Variants in KIAA1217 observed in about 807,000 individuals in gnomAD.
The protein encoded by KIAA1217 is sickle tail protein homolog.
Under a neutral mutation model 163.9 loss-of-function variants are expected in KIAA1217, and 88 were observed. The observed-to-expected ratio is 0.54, with a 90% CI of 0.45 to 0.64. KIAA1217 has a LOEUF of 0.64. Among genes scored for constraint, KIAA1217 ranks in the 30% least tolerant of loss-of-function variants. The pLI is 0.00. For synonymous variants in KIAA1217, 903 were observed against 923.1 expected (o/e 0.98, Z 0.39); for missense variants, 2,372 against 2,475.0 (o/e 0.96, Z 0.88).
At chr10:24,129,893 C>G (rs1185882080) in intron 2 of KIAA1217, among the ~76,000 whole-genome samples, 2 of 152,044 alleles carry the variant, frequency 1.3e-5, no homozygotes, top group Admixed American at 1.3e-4. Context: ...TCATGTGTCT[C>G]TCATGATCAA....
intron 1 of KIAA1217, among the ~76,000 whole-genome samples, chr10:23,816,453 C>T (rs371912718): frequency 7.2e-4 from 109 of 152,138 alleles, no homozygotes; most frequent in African/African-American, 2.4e-3. Context: ...CCACCATACC[C>T]GGCTAATTTT....
intron 1 of KIAA1217, among the ~76,000 whole-genome samples, chr10:23,862,585 T>C (rs1475950310): frequency 6.6e-6 from 1 of 152,130 alleles, no homozygotes; most frequent in Admixed American, 6.6e-5. Context: ...TTACTTATAC[T>C]TTTATCCAAA....
chr10:23,705,068 T>A (rs555774583), intron 1 of KIAA1217, among the ~76,000 whole-genome samples: 2 of 152,320 alleles, frequency 1.3e-5, no homozygotes, highest in East Asian at 3.9e-4. Flanking sequence ...TCTTTTCATG[T>A]GCTTATTGGA....
chr10:24,312,444 C>CA (rs2042825639), intron 2 of KIAA1217, among the ~76,000 whole-genome samples: 1 of 151,970 alleles, frequency 6.6e-6, no homozygotes, highest in Admixed American at 6.6e-5. Flanking sequence ...GGTAAAACCT[C>CA]GTCTCTACGA....
chr10:23,892,347 C>T (rs1048781720), intron 1 of KIAA1217, among the ~76,000 whole-genome samples: 3 of 151,664 alleles, frequency 2.0e-5, no homozygotes, highest in African/African-American at 7.3e-5. Context: ...ATTTTCCTTT[C>T]ATCTGGTTTC....
chr10:24,111,951 T>C, intron 2 of KIAA1217, among the ~76,000 whole-genome samples: 1 of 151,996 alleles, frequency 6.6e-6, no homozygotes, highest in East Asian at 1.9e-4. Flanking sequence ...TTTGTTGTTG[T>C]TGTTGTTGTT....
chr10:24,112,538 A>G (rs571530742), intron 2 of KIAA1217, among the ~76,000 whole-genome samples: 6 of 152,274 alleles, frequency 3.9e-5, no homozygotes, highest in African/African-American at 1.4e-4. Flanking sequence ...AGATCATACT[A>G]AATTAGGGTT....
chr10:24,099,389 GT>G (rs1219632920), intron 2 of KIAA1217, among the ~76,000 whole-genome samples: 1 of 151,180 alleles, frequency 6.6e-6, no homozygotes, highest in African/African-American at 2.4e-5. Flanking sequence ...CTGTGACCAA[GT>G]GTTCTCATTG....
chr10:24,201,868 C>T (rs1298996695), intron 2 of KIAA1217, among the ~76,000 whole-genome samples: 4 of 152,194 alleles, frequency 2.6e-5, no homozygotes, highest in Non-Finnish European at 5.9e-5. Context: ...GCAGGGGCTA[C>T]AGTGAGCCCT....
intron 2 of KIAA1217, among the ~76,000 whole-genome samples, chr10:24,110,220 G>T (rs775318870): frequency 6.6e-6 from 1 of 152,144 alleles, no homozygotes; most frequent in Non-Finnish European, 1.5e-5. Flanking sequence ...CAAACTAGTT[G>T]TACATTTGTA....
intron 1 of KIAA1217, among the ~76,000 whole-genome samples, chr10:23,812,479 T>C (rs1170263558): frequency 4.8e-5 from 7 of 145,902 alleles, no homozygotes; most frequent in African/African-American, 7.4e-5. Flanking sequence ...AAACTAATTA[T>C]TATTGTTTCT....
chr10:24,322,844 G>C (rs2044352179), intron 2 of KIAA1217, among the ~76,000 whole-genome samples: 3 of 152,174 alleles, frequency 2.0e-5, no homozygotes, highest in Non-Finnish European at 4.4e-5. Context: ...CATACTACCT[G>C]TCATCTTGGC....
intron 2 of KIAA1217, among the ~76,000 whole-genome samples, chr10:24,265,713 G>A (rs1040189210): frequency 1.3e-5 from 2 of 152,148 alleles, no homozygotes; most frequent in Non-Finnish European, 2.9e-5. Flanking sequence ...CGGGCATTAT[G>A]CTAGATGATA....
intron 2 of KIAA1217, among the ~76,000 whole-genome samples, chr10:24,050,919 T>C (rs1352538959): frequency 6.6e-6 from 1 of 152,080 alleles, no homozygotes; most frequent in East Asian, 1.9e-4. Context: ...CTTAACATGG[T>C]TTCTTTTTTT....
chr10:23,760,421 C>T (rs910773758), intron 1 of KIAA1217, among the ~76,000 whole-genome samples: 8 of 152,178 alleles, frequency 5.3e-5, no homozygotes, highest in African/African-American at 1.9e-4. Context: ...AAGTTTGTGA[C>T]AGCCTAAGGC....
At chr10:24,038,868 C>T (rs1426191719) in intron 2 of KIAA1217, among the ~76,000 whole-genome samples, 1 of 151,146 alleles carries the variant, frequency 6.6e-6, no homozygotes, top group East Asian at 2.0e-4. Context: ...CCTCCTGCCT[C>T]AGCCTCTTGG....
intron 1 of KIAA1217, among the ~76,000 whole-genome samples, chr10:23,769,365 A>G (rs1834695143): frequency 6.6e-6 from 1 of 152,156 alleles, no homozygotes; most frequent in African/African-American, 2.4e-5. Context: ...CTTAGGCTTT[A>G]CAGTAGTGAT....
intron 3 of KIAA1217, among the ~76,000 whole-genome samples, chr10:24,383,104 C>A (rs2130527962): frequency 6.6e-6 from 1 of 152,214 alleles, no homozygotes; most frequent in East Asian, 1.9e-4. Flanking sequence ...ACCTTAACCT[C>A]ACAAAATGCT....
At chr10:24,045,536 G>A (rs1848949281) in intron 2 of KIAA1217, among the ~76,000 whole-genome samples, 1 of 151,692 alleles carries the variant, frequency 6.6e-6, no homozygotes, top group Admixed American at 6.6e-5. Context: ...ATATTTTTAA[G>A]CTTTTATCTC....
Sources: allele counts gnomAD v4.1 joint callset (sites outside exome capture counted in the v4.1 genomes callset), GRCh38; gene constraint gnomAD v4.1.1; transcripts MANE v1.5; gene names NCBI Gene and HGNC (gene_info 2026-07-23, HGNC 2026-07-21).